CNTN5: variants seen among roughly 807,000 people sequenced by gnomAD.
CNTN5 encodes contactin 5.
CNTN5 carries 77 observed loss-of-function variants against 129.1 expected under a neutral mutation model. That is an observed-to-expected ratio of 0.60 (90% CI 0.50 to 0.72). CNTN5 has a LOEUF of 0.72. Among genes scored for constraint, CNTN5 ranks in the 30% least tolerant of loss-of-function variants. The pLI is 0.00. For synonymous variants in CNTN5, 509 were observed against 465.6 expected, an observed-to-expected ratio of 1.09 and a Z score of -1.20; for missense variants, 1,478 against 1,328.8, an observed-to-expected ratio of 1.11 and a Z score of -1.75.
At chr11:99,539,479 AAAGAG>A (rs147454361) in intron 2 of CNTN5, among the ~76,000 whole-genome samples, 4,284 of 152,164 alleles carry the variant, frequency 0.028, 80 homozygotes, top group Middle Eastern at 0.1. Flanking sequence ...TCTTAAGCTG[AAAGAG>A]AAAACTAGTC....
chr11:99,361,586 T>C (rs998189426), intron 2 of CNTN5, among the ~76,000 whole-genome samples: 1 of 152,154 alleles, frequency 6.6e-6, no homozygotes, highest in Non-Finnish European at 1.5e-5. Flanking sequence ...TCCACATCTT[T>C]TCAGACTTTT....
intron 3 of CNTN5, among the ~76,000 whole-genome samples, chr11:99,622,954 A>G (rs1226028870): frequency 6.6e-6 from 1 of 152,170 alleles, no homozygotes; most frequent in African/African-American, 2.4e-5. Flanking sequence ...TTAACTTTAA[A>G]TTAGTGTCTG....
intron 1 of CNTN5, among the ~76,000 whole-genome samples, chr11:99,084,058 G>T (rs1477139429): frequency 6.6e-6 from 1 of 152,128 alleles, no homozygotes; most frequent in Non-Finnish European, 1.5e-5. Flanking sequence ...TTGAGTGCTT[G>T]AAACCCTTAC....
intron 1 of CNTN5, among the ~76,000 whole-genome samples, chr11:99,319,416 C>T (rs141028898): frequency 5.6e-4 from 86 of 152,288 alleles, no homozygotes; most frequent in South Asian, 1.0e-3. Context: ...TCTCTGAATG[C>T]TCAGTAATGG....
chr11:99,407,775 C>T (rs1204463603), intron 2 of CNTN5, among the ~76,000 whole-genome samples: 2 of 152,188 alleles, frequency 1.3e-5, no homozygotes, highest in Non-Finnish European at 2.9e-5. Context: ...CACTAGGACT[C>T]ATTTGAGTGC....
At chr11:100,099,305 C>CA (rs35695954) in intron 13 of CNTN5, among the ~76,000 whole-genome samples, 38,233 of 151,862 alleles carry the variant, frequency 0.25, 5,609 homozygotes, top group East Asian at 0.57. Context: ...ACATTTCAGG[C>CA]AAACTGGGGT....
At chr11:99,851,118 C>A (rs10894009) in intron 6 of CNTN5, among the ~76,000 whole-genome samples, 27,510 of 136,572 alleles carry the variant, frequency 0.2, 2,636 homozygotes, top group African/African-American at 0.25. Flanking sequence ...AATGTCTACC[C>A]ATGAGGAACT....
intron 3 of CNTN5, among the ~76,000 whole-genome samples, chr11:99,619,400 A>C (rs531434463): frequency 1.6e-4 from 24 of 152,110 alleles, no homozygotes; most frequent in South Asian, 1.0e-3. Flanking sequence ...TTATGTTTCT[A>C]TTGTGGTTAA....
At chr11:99,564,785 G>A (rs1405159753) in intron 3 of CNTN5, among the ~76,000 whole-genome samples, 3 of 152,110 alleles carry the variant, frequency 2.0e-5, no homozygotes, top group East Asian at 3.9e-4. Flanking sequence ...ATTGGAAGAA[G>A]ACAATACGGT....
At chr11:99,918,319 T>A (rs951682820) in intron 7 of CNTN5, among the ~76,000 whole-genome samples, 1 of 152,168 alleles carries the variant, frequency 6.6e-6, no homozygotes, top group African/African-American at 2.4e-5. Flanking sequence ...TTAATATTAC[T>A]GTTAAACAAT....
At chr11:99,350,496 T>A (rs1938220720) in intron 2 of CNTN5, among the ~76,000 whole-genome samples, 1 of 152,138 alleles carries the variant, frequency 6.6e-6, no homozygotes, top group African/African-American at 2.4e-5. Flanking sequence ...TTCACAAAAA[T>A]ATGTGTACGA....
intron 3 of CNTN5, among the ~76,000 whole-genome samples, chr11:99,802,266 T>G (rs1454008519): frequency 6.6e-6 from 1 of 152,212 alleles, no homozygotes; most frequent in Non-Finnish European, 1.5e-5. Context: ...GGGTAGCTAC[T>G]TGATCCTGGT....
In CNTN5 at chr11:100,357,852, A is replaced by G. The variant is rs573396450; in HGVS notation, c.*1632A>G. On this transcript the variant is annotated 3_prime_UTR_variant, in exon 25 of 25. Coordinates refer to ENST00000524871, the MANE Select transcript of CNTN5 (RefSeq NM_014361.4). ...AGAGCCACAGTAAAAGTCTGTATGT[A>G]GGTTACATATTCTCTTTGGGGAAAT... is the stretch of plus-strand genomic sequence containing the variant. The G allele has an allele frequency of 5.9e-5, 9 of 151,916 alleles. No homozygotes were observed. The South Asian group carries it at 1.2e-3, about 21-fold the overall frequency. The allele number at this position is 151,916 out of a possible 1,614,324, so 9.4% of individuals were successfully genotyped here.
chr11:100,281,078 T>C (rs1950625621), intron 18 of CNTN5, among the ~76,000 whole-genome samples: 1 of 152,176 alleles, frequency 6.6e-6, no homozygotes, highest in South Asian at 2.1e-4. Flanking sequence ...TTATTTTTTA[T>C]TGGTTCATCA....
At chr11:99,028,078 C>G (rs1863181354) in intron 1 of CNTN5, among the ~76,000 whole-genome samples, 1 of 151,718 alleles carries the variant, frequency 6.6e-6, no homozygotes, top group Non-Finnish European at 1.5e-5. Context: ...CTAAAACTTA[C>G]ATTCAATTCT....
intron 2 of CNTN5, among the ~76,000 whole-genome samples, chr11:99,379,884 A>G (rs1476996484): frequency 6.6e-6 from 1 of 151,964 alleles, no homozygotes; most frequent in African/African-American, 2.4e-5. Flanking sequence ...GTGTGTGAAT[A>G]CATATGTGCC....
At chr11:99,531,477 C>A (rs1028818012) in intron 2 of CNTN5, among the ~76,000 whole-genome samples, 8 of 152,166 alleles carry the variant, frequency 5.3e-5, no homozygotes, top group African/African-American at 1.4e-4. Context: ...CAGAAATTTC[C>A]ATAAGTAGCA....
At chr11:99,776,558 T>C (rs1318461061) in intron 3 of CNTN5, among the ~76,000 whole-genome samples, 3 of 151,444 alleles carry the variant, frequency 2.0e-5, no homozygotes, top group Admixed American at 2.0e-4. Flanking sequence ...TAGAATGTTA[T>C]TCTCAGTGTT....
intron 1 of CNTN5, among the ~76,000 whole-genome samples, chr11:99,038,640 C>T (rs867912582): frequency 1.3e-4 from 20 of 152,182 alleles, no homozygotes; most frequent in Admixed American, 8.5e-4. Context: ...AGTAGACCAA[C>T]GCTTCTTTTA....
Sources: gnomAD v4.1 joint callset for allele counts (sites outside exome capture counted in the v4.1 genomes callset) on GRCh38, gnomAD v4.1.1 for gene constraint, MANE v1.5 for transcripts, NCBI Gene and HGNC (gene_info 2026-07-23, HGNC 2026-07-21) for gene names.